The following CDH13 variants were observed in gnomAD, a reference collection of about 807,000 sequenced individuals.
CDH13 encodes cadherin 13.
A neutral mutation model predicts 63.8 loss-of-function variants in CDH13; 24 were observed. That is an observed-to-expected ratio of 0.38 (90% CI 0.27 to 0.53). The LOEUF is 0.53. CDH13 is among the 20% of genes least tolerant of loss of function. The pLI is 0.85. For synonymous variants in CDH13, 503 were observed against 355.3 expected (o/e 1.42, Z -4.67); for missense variants, 1,049 against 903.1 (o/e 1.16, Z -2.07).
At chr16:83,137,002 G>A (rs1356551702) in intron 4 of CDH13, among the ~76,000 whole-genome samples, 2 of 152,244 alleles carry the variant, frequency 1.3e-5, no homozygotes, top group African/African-American at 2.4e-5. Flanking sequence ...CCATGAAGGA[G>A]TAGGGTTGAC....
chr16:83,693,938 G>T (rs2150896122), intron 10 of CDH13, among the ~76,000 whole-genome samples: 1 of 152,322 alleles, frequency 6.6e-6, no homozygotes, highest in Admixed American at 6.5e-5. Context: ...GAAGTGAAAT[G>T]AATCAGAGGA....
chr16:83,447,336 AC>A (rs1360027297), intron 6 of CDH13, among the ~76,000 whole-genome samples: 26 of 151,774 alleles, frequency 1.7e-4, no homozygotes, highest in Admixed American at 9.9e-4. Context: ...ATTTGCTTGA[AC>A]CTGGGAGGCA....
At chr16:83,499,325 A>G (rs557057350) in intron 7 of CDH13, among the ~76,000 whole-genome samples, 1 of 152,332 alleles carries the variant, frequency 6.6e-6, no homozygotes, top group African/African-American at 2.4e-5. Context: ...CCAAGGTACA[A>G]AAGGATTTGT....
At chr16:82,966,175 G>A (rs1304995311) in intron 2 of CDH13, among the ~76,000 whole-genome samples, 1 of 152,172 alleles carries the variant, frequency 6.6e-6, no homozygotes, top group Non-Finnish European at 1.5e-5. Flanking sequence ...TTGAGACAAA[G>A]ACTCGGTCTG....
intron 4 of CDH13, among the ~76,000 whole-genome samples, chr16:83,145,708 CTCAA>C (rs1201720772): frequency 6.6e-6 from 1 of 152,220 alleles, no homozygotes; most frequent in East Asian, 1.9e-4. Context: ...CATTCAGTCT[CTCAA>C]TCAATCAATA....
rs67886035 is a variant in CDH13, at chr16:83,743,748, C to CTTTTTTTTTTTTTTTTTTTTTTTT, written c.1539-4341_1539-4340insTTTTTTTTTTTTTTTTTTTTTTTT. 2.5e-4 allele frequency among the ~76,000 whole-genome samples: 19 copies of CTTTTTTTTTTTTTTTTTTTTTTTT among 76,264 alleles called. 1 individual carries two copies. Among genetic ancestry groups the CTTTTTTTTTTTTTTTTTTTTTTTT allele is most frequent in the East Asian group, 9.4e-4 (2 of 2,136 alleles). 50.0% of individuals were successfully genotyped at this position (76,264 alleles called of 152,430 possible). ...TGATGAGTTGCCTTTTTTCTTTTTTCTTTTTTTTTTTTTTTTTTTCTTTGC... is the reference window on the plus strand; with the variant it reads ...TGATGAGTTGCCTTTTTTCTTTTTTCTTTTTTTTTTTTTTTTTTTTTTTTTTTTTTTTTTTTTTTTTTTCTTTGC... On this transcript the variant is annotated intron_variant, in intron 10 of 13. Coordinates refer to ENST00000567109, the MANE Select transcript of CDH13 (RefSeq NM_001257.5).
At chr16:83,136,042 G>A (rs2036267127) in intron 4 of CDH13, among the ~76,000 whole-genome samples, 1 of 152,062 alleles carries the variant, frequency 6.6e-6, no homozygotes, top group South Asian at 2.1e-4. Context: ...AGAGGGGAGA[G>A]GGATAAAAGA....
chr16:83,680,561 C>G (rs572439878), intron 10 of CDH13, among the ~76,000 whole-genome samples: 1 of 152,074 alleles, frequency 6.6e-6, no homozygotes. Flanking sequence ...GCAAAGGTCA[C>G]CTTACTATTA....
At chr16:83,065,742 A>C (rs2031959025) in intron 3 of CDH13, among the ~76,000 whole-genome samples, 2 of 140,944 alleles carry the variant, frequency 1.4e-5, no homozygotes, top group African/African-American at 5.4e-5. Context: ...AAAAAAAAAA[A>C]CAAGACTACT....
chr16:82,954,011 C>A (rs141101664), intron 2 of CDH13: 18 of 152,220 alleles, frequency 1.2e-4, no homozygotes, highest in African/African-American at 4.1e-4. Context: ...CAGACTCAGA[C>A]ATTTATGGGC....
At chr16:83,434,490 C>T (rs994238881) in intron 6 of CDH13, among the ~76,000 whole-genome samples, 10 of 152,062 alleles carry the variant, frequency 6.6e-5, no homozygotes, top group Non-Finnish European at 1.5e-4. Flanking sequence ...TTCCACTCTC[C>T]CATGCCCACT....
intron 1 of CDH13, among the ~76,000 whole-genome samples, chr16:82,677,954 G>A (rs187305907): frequency 1.6e-4 from 25 of 152,242 alleles, no homozygotes; most frequent in East Asian, 3.9e-4. Context: ...TTGGAAAAGC[G>A]TCTGAAGATA....
intron 1 of CDH13, among the ~76,000 whole-genome samples, chr16:82,805,770 A>G (rs918727657): frequency 6.6e-6 from 1 of 152,190 alleles, no homozygotes; most frequent in African/African-American, 2.4e-5. Context: ...TCTTAAAGAC[A>G]TGGCTTTGCC....
At chr16:83,293,191 C>T (rs2089505210) in intron 5 of CDH13, among the ~76,000 whole-genome samples, 1 of 152,154 alleles carries the variant, frequency 6.6e-6, no homozygotes, top group Non-Finnish European at 1.5e-5. Context: ...CTACTCATAT[C>T]TGATAAGGGC....
At chr16:82,712,976 A>C (rs1380789837) in intron 1 of CDH13, among the ~76,000 whole-genome samples, 3 of 152,066 alleles carry the variant, frequency 2.0e-5, no homozygotes, top group Non-Finnish European at 2.9e-5. Context: ...ATTGACCCTC[A>C]GGCATGAGCA....
chr16:83,284,625 GT>G (rs2089263493), intron 5 of CDH13, among the ~76,000 whole-genome samples: 1 of 151,986 alleles, frequency 6.6e-6, no homozygotes, highest in African/African-American at 2.4e-5. Flanking sequence ...GGTCAACTCA[GT>G]GCAGAAAAAA....
At chr16:82,674,022 A>G (rs752827944) in intron 1 of CDH13, among the ~76,000 whole-genome samples, 8 of 152,196 alleles carry the variant, frequency 5.3e-5, no homozygotes, top group Non-Finnish European at 1.2e-4. Flanking sequence ...CTAGGGCTCG[A>G]AGAAGGGGAA....
intron 3 of CDH13, among the ~76,000 whole-genome samples, chr16:83,091,287 T>C (rs1001972898): frequency 1.6e-4 from 25 of 152,030 alleles, no homozygotes; most frequent in African/African-American, 6.0e-4. Flanking sequence ...AAAAATTCCA[T>C]GAGCACTTGG....
At chr16:83,179,932 G>A (rs1389563877) in intron 4 of CDH13, among the ~76,000 whole-genome samples, 2 of 151,596 alleles carry the variant, frequency 1.3e-5, no homozygotes, top group Non-Finnish European at 2.9e-5. Context: ...AACAGGAAAC[G>A]ATGGGAGAAT....
Sources: gnomAD v4.1 joint callset for allele counts (sites outside exome capture counted in the v4.1 genomes callset) on GRCh38, gnomAD v4.1.1 for gene constraint, MANE v1.5 for transcripts, NCBI Gene and HGNC (gene_info 2026-07-23, HGNC 2026-07-21) for gene names.